The following LPIN1 variants were observed in gnomAD, a reference collection of about 807,000 sequenced individuals.
LPIN1 encodes lipin 1.
A neutral mutation model predicts 107.5 loss-of-function variants in LPIN1; 71 were observed. The observed-to-expected ratio is 0.66, with a 90% CI of 0.55 to 0.80. The LOEUF is 0.80. Among genes scored for constraint, LPIN1 ranks in the 30% least tolerant of loss-of-function variants. The probability of loss-of-function intolerance (pLI) is 0.00; values close to 1 mark genes in which losing one functional copy is unlikely to be tolerated. For synonymous variants in LPIN1, 445 were observed against 452.6 expected, an observed-to-expected ratio of 0.98 and a Z score of 0.21; for missense variants, 1,043 against 1,160.6, an observed-to-expected ratio of 0.90 and a Z score of 1.47.
At chr2:11,686,638 C>T (rs779031683) in intron 1 of LPIN1, among the ~76,000 whole-genome samples, 1 of 152,098 alleles carries the variant, frequency 6.6e-6, no homozygotes, top group African/African-American at 2.4e-5. Context: ...AGCACACACC[C>T]GCGGGAAAGA....
chr2:11,751,410 T>A (rs562728936), intron 1 of LPIN1, among the ~76,000 whole-genome samples: 22 of 152,282 alleles, frequency 1.4e-4, no homozygotes, highest in African/African-American at 5.1e-4. Flanking sequence ...AAAGCAACAC[T>A]ATGGGAAGTA....
intron 1 of LPIN1, among the ~76,000 whole-genome samples, chr2:11,708,105 A>AAC (rs1045672274): frequency 2.0e-5 from 3 of 152,006 alleles, no homozygotes; most frequent in African/African-American, 7.3e-5. Flanking sequence ...TCTCCTAACT[A>AAC]ACAGGACAGA....
At chr2:11,810,853 C>A (rs1679525895) in intron 17 of LPIN1, among the ~76,000 whole-genome samples, 1 of 152,154 alleles carries the variant, frequency 6.6e-6, no homozygotes, top group Admixed American at 6.5e-5. Flanking sequence ...GTAATCTTTC[C>A]AAACTATTTA....
At chr2:11,820,025 G>C (rs79113121) in intron 19 of LPIN1, among the ~76,000 whole-genome samples, 4 of 152,262 alleles carry the variant, frequency 2.6e-5, no homozygotes, top group Admixed American at 2.6e-4. Context: ...TGTATTGCCC[G>C]CATTTACTGG....
chr2:11,713,771 G>A (rs1164375948), exon 2 of LPIN1: 1 of 1,517,012 alleles, frequency 6.6e-7, no homozygotes, highest in Non-Finnish European at 8.8e-7. Context: ...AATAATGAGA[G>A]ACCCTGGGTG....
chr2:11,741,684 G>A (rs1666379501), upstream of LPIN1, among the ~76,000 whole-genome samples: 1 of 152,146 alleles, frequency 6.6e-6, no homozygotes, highest in East Asian at 1.9e-4. Flanking sequence ...GGTGGCGGGT[G>A]CCTGTAGTCC....
At chr2:11,760,757 C>G (rs944857850) in intron 1 of LPIN1, among the ~76,000 whole-genome samples, 1 of 152,146 alleles carries the variant, frequency 6.6e-6, no homozygotes, top group Admixed American at 6.5e-5. Context: ...TTATGTCTCT[C>G]GCTTTCTTTT....
At chr2:11,701,840 G>A (rs758580085) in intron 1 of LPIN1, among the ~76,000 whole-genome samples, 10 of 152,196 alleles carry the variant, frequency 6.6e-5, no homozygotes, top group Non-Finnish European at 1.2e-4. Flanking sequence ...GGGTGTAGCC[G>A]GGGCTGCCAT....
intron 1 of LPIN1, among the ~76,000 whole-genome samples, chr2:11,701,796 G>A (rs1471971984): frequency 2.0e-5 from 3 of 152,230 alleles, no homozygotes; most frequent in Non-Finnish European, 4.4e-5. Context: ...AAGCCTGTGT[G>A]TTTAGATTAC....
In LPIN1 at chr2:11,770,358, C is replaced by T. The variant is rs535329208; in HGVS notation, c.289-1014C>T. Among the ~76,000 whole-genome samples the T allele has an allele frequency of 5.9e-5, 9 of 152,272 alleles. No individual in the cohort carries two copies. The East Asian group carries it at 1.5e-3, about 26-fold the overall frequency. ...GGATGCTGCTGGAAGCTGGAGAGCC[C>T]GTGTCCTTCAGCACTGCTTGGTACT... On this transcript the variant is annotated intron_variant, in intron 3 of 20. Coordinates refer to ENST00000674199, the MANE Select transcript of LPIN1 (RefSeq NM_001349206.2).
intron 1 of LPIN1, among the ~76,000 whole-genome samples, chr2:11,728,637 A>G (rs1664895748): frequency 6.6e-6 from 1 of 152,008 alleles, no homozygotes; most frequent in Non-Finnish European, 1.5e-5. Context: ...CTGCCTCCCA[A>G]AGTGCTGGGA....
chr2:11,707,095 ATTAT>A lies in LPIN1; in HGVS notation c.82-6660_82-6657del, dbSNP rs201931391. On this transcript the variant is annotated intron_variant, in intron 1 of 21. Coordinates refer to the LPIN1 transcript ENST00000449576. This position sits in a 1 kb window ranked among gnomAD's most constrained non-coding sequence, Gnocchi z 4.2. ...TCTTAGAGCCTGTTACACGTGAGGC[ATTAT>A]CACAGGTGCTGGGAGTATGGCAGGA... 0.024 allele frequency among the ~76,000 whole-genome samples: 3,724 copies of A among 152,368 alleles called. 64 individuals are homozygous for A. The highest frequency in any genetic ancestry group is 0.055 in the Middle Eastern group (16 of 292).
chr2:11,681,271 G>A (rs1484751899), intron 1 of LPIN1, among the ~76,000 whole-genome samples: 3 of 152,226 alleles, frequency 2.0e-5, no homozygotes, highest in African/African-American at 7.2e-5. Context: ...TGGTTTGGAT[G>A]TGTGTCCCCC....
Position 11,697,859 on chromosome 2 carries a change from C to T in LPIN1, c.82-15897C>T, listed in dbSNP as rs943608070. ...AGCCCTACCGCACATTACATGGAAG[C>T]GAGTGTGCTCAGAAATGCAGGTTCT... On this transcript the variant is annotated intron_variant, in intron 1 of 21. Coordinates refer to the LPIN1 transcript ENST00000449576. This position sits in a 1 kb window ranked among gnomAD's most constrained non-coding sequence, Gnocchi z 4.6. 3.9e-5 allele frequency among the ~76,000 whole-genome samples: 6 copies of T among 152,120 alleles called. No individual in the cohort carries two copies. Among genetic ancestry groups the T allele is most frequent in the African/African-American group, 9.7e-5 (4 of 41,432 alleles).
intron 1 of LPIN1, among the ~76,000 whole-genome samples, chr2:11,740,481 G>A (rs779340527): frequency 6.6e-6 from 1 of 152,010 alleles, no homozygotes; most frequent in Non-Finnish European, 1.5e-5. Flanking sequence ...AGGAGTTCCA[G>A]ACAAGCCTAA....
intron 1 of LPIN1, among the ~76,000 whole-genome samples, chr2:11,698,325 T>A (rs755553533): frequency 3.9e-5 from 6 of 152,154 alleles, no homozygotes; most frequent in Non-Finnish European, 5.9e-5. Flanking sequence ...GTACTTGAAG[T>A]CAAGGGGCTG....
rs564927383 is a variant in LPIN1, at chr2:11,803,466, G to A, written c.2013+433G>A. Among the ~76,000 whole-genome samples the A allele has an allele frequency of 2.6e-5, 4 of 152,312 alleles. No individual in the cohort carries two copies. In the South Asian group the frequency reaches 6.2e-4, roughly 24 times the overall value. Reference sequence around the variant, plus strand: ...TTTAGAGAATTTCAGGTAACCAGGGGCATCACCTGGTCATGGTGTCCTTTT... The same window carrying A: ...TTTAGAGAATTTCAGGTAACCAGGGACATCACCTGGTCATGGTGTCCTTTT... On this transcript the variant is annotated intron_variant, in intron 15 of 20. Coordinates refer to ENST00000674199, the MANE Select transcript of LPIN1 (RefSeq NM_001349206.2). This position sits in a 1 kb window ranked among gnomAD's most constrained non-coding sequence, Gnocchi z 4.2.
At chr2:11,725,256 G>A (rs1402869156) in intron 1 of LPIN1, among the ~76,000 whole-genome samples, 11 of 142,508 alleles carry the variant, frequency 7.7e-5, no homozygotes, top group Admixed American at 2.7e-4. Context: ...GCGAGACTCC[G>A]TCTCAAAAAC....
chr2:11,779,490 C>G, intron 6 of LPIN1, 29 bp from the exon 7 acceptor site: 1 of 1,611,586 alleles, frequency 6.2e-7, no homozygotes, highest in Non-Finnish European at 8.5e-7. Context: ...CTTTTCCCAC[C>G]TTAATTTTCG....
Sources: gnomAD v4.1 joint callset for allele counts (sites outside exome capture counted in the v4.1 genomes callset) on GRCh38, gnomAD v4.1.1 for gene constraint, Gnocchi (gnomAD v3.1) non-coding constraint, MANE v1.5 for transcripts, NCBI Gene and HGNC (gene_info 2026-07-23, HGNC 2026-07-21) for gene names.